TDRD3: variants seen among roughly 807,000 people sequenced by gnomAD.
TDRD3 encodes tudor domain-containing protein 3.
TDRD3 carries 45 observed loss-of-function variants against 86.7 expected under a neutral mutation model. The ratio of observed to expected loss-of-function variants is 0.52; its 90% CI spans 0.41 to 0.67. The LOEUF is 0.67. Ranked by LOEUF, TDRD3 falls within the 30% of genes least tolerant of loss-of-function variation. TDRD3 has a pLI of 0.00. For missense variants in TDRD3, 814 were observed against 889.0 expected (o/e 0.92, Z 1.07); for synonymous variants, 298 against 301.7 (o/e 0.99, Z 0.13).
chr13:60,562,578 T>C, intron 12 of TDRD3, among the ~76,000 whole-genome samples: 1 of 152,150 alleles, frequency 6.6e-6, no homozygotes, highest in Non-Finnish European at 1.5e-5. Flanking sequence ...GCTTGGAAAT[T>C]CATAGAATAA....
intron 5 of TDRD3, among the ~76,000 whole-genome samples, chr13:60,469,723 A>C (rs1436802941): frequency 2.0e-5 from 3 of 152,174 alleles, no homozygotes; most frequent in Non-Finnish European, 4.4e-5. Flanking sequence ...CCATAAAGCT[A>C]ATGTTGGAAG....
At chr13:60,511,093 T>C (rs545126092) in intron 10 of TDRD3, among the ~76,000 whole-genome samples, 1 of 152,234 alleles carries the variant, frequency 6.6e-6, no homozygotes, top group East Asian at 1.9e-4. Flanking sequence ...GAAATTGATA[T>C]ATCTCTTCTT....
At chr13:60,530,392 G>A (rs895127805) in intron 11 of TDRD3, among the ~76,000 whole-genome samples, 8 of 152,048 alleles carry the variant, frequency 5.3e-5, no homozygotes, top group East Asian at 1.9e-4. Context: ...GTTACAGAGC[G>A]AAGGGTCTGG....
At chr13:60,568,620 C>G (rs550846686) in intron 13 of TDRD3, among the ~76,000 whole-genome samples, 3 of 152,186 alleles carry the variant, frequency 2.0e-5, no homozygotes, top group African/African-American at 7.2e-5. Flanking sequence ...GACAAACCCA[C>G]AGCTAGACTC....
chr13:60,505,660 G>T (rs898214310), intron 8 of TDRD3, among the ~76,000 whole-genome samples: 1 of 152,204 alleles, frequency 6.6e-6, no homozygotes, highest in Non-Finnish European at 1.5e-5. Flanking sequence ...TTGCTAACTG[G>T]AATAACTAGT....
chr13:60,471,069 C>T (rs1956067724), intron 5 of TDRD3, among the ~76,000 whole-genome samples: 1 of 152,094 alleles, frequency 6.6e-6, no homozygotes, highest in Non-Finnish European at 1.5e-5. Flanking sequence ...ATATCAATTC[C>T]TACTAACATA....
intron 1 of TDRD3, among the ~76,000 whole-genome samples, chr13:60,438,982 G>A (rs1425701673): frequency 6.6e-6 from 1 of 152,094 alleles, no homozygotes; most frequent in Non-Finnish European, 1.5e-5. Flanking sequence ...ATGTCCATGG[G>A]TATGGGTAGA....
intron 12 of TDRD3, among the ~76,000 whole-genome samples, chr13:60,540,740 GATA>G (rs1405796214): frequency 6.6e-6 from 1 of 151,992 alleles, no homozygotes; most frequent in Admixed American, 6.6e-5. Context: ...TCTAATATCT[GATA>G]ATAACATATT....
intron 6 of TDRD3, chr13:60,484,757 G>A: frequency 2.2e-6 from 1 of 447,388 alleles, no homozygotes; most frequent in Non-Finnish European, 4.5e-6. Flanking sequence ...CCATGTTGAT[G>A]GTTGGTATTC....
chr13:60,487,335 G>C (rs1052736247), intron 7 of TDRD3, among the ~76,000 whole-genome samples: 1 of 152,084 alleles, frequency 6.6e-6, no homozygotes. Flanking sequence ...AATTAGCTGG[G>C]TATGCTGGTG....
chr13:60,437,600 AATTT>A (rs1368443164), intron 1 of TDRD3, among the ~76,000 whole-genome samples: 1 of 150,678 alleles, frequency 6.6e-6, no homozygotes, highest in African/African-American at 2.4e-5. Flanking sequence ...AAATTAAATT[AATTT>A]ATTATAATAT....
intron 11 of TDRD3, among the ~76,000 whole-genome samples, chr13:60,534,175 T>C (rs968783505): frequency 6.6e-6 from 1 of 152,178 alleles, no homozygotes; most frequent in African/African-American, 2.4e-5. Context: ...TAGCCAGGCA[T>C]GGTTGTATGC....
At chr13:60,425,616 A>G (rs1954781701) in intron 1 of TDRD3, among the ~76,000 whole-genome samples, 1 of 152,192 alleles carries the variant, frequency 6.6e-6, no homozygotes, top group Non-Finnish European at 1.5e-5. Flanking sequence ...TCTAATGTCC[A>G]TCGATGGAAA....
At chr13:60,483,982 T>A in intron 6 of TDRD3, 136 bp downstream of exon 6, 2 of 861,010 alleles carry the variant, frequency 2.3e-6, no homozygotes, top group Non-Finnish European at 3.4e-6. Flanking sequence ...TCAAGGAATT[T>A]AATAATTTTG....
Position 60,528,207 on chromosome 13 carries a change from A to G in TDRD3, c.1142-160A>G, listed in dbSNP as rs1845982634. Among the ~76,000 whole-genome samples, 5 of 152,342 alleles carry G rather than the reference A, an allele frequency of 3.3e-5. No homozygotes were observed. In the South Asian group the frequency reaches 1.0e-3, roughly 32 times the overall value. On this transcript the variant is annotated intron_variant, in intron 10 of 13. Coordinates refer to ENST00000377881, the MANE Select transcript of TDRD3 (RefSeq NM_001146070.2). ...CTGTACATTAGAAATGCAGGACTCC[A>G]AGGAAGCAAAGAAGGAGTAAGATAA...
intron 1 of TDRD3, among the ~76,000 whole-genome samples, chr13:60,401,082 T>C (rs1243118488): frequency 1.3e-5 from 2 of 152,158 alleles, no homozygotes; most frequent in East Asian, 3.9e-4. Flanking sequence ...ATCAAATAAA[T>C]CTTTGCCTTG....
At position 60,508,515 on chromosome 13, in the gene TDRD3, G is replaced by A. The variant is rs568455179; in HGVS notation, c.859-1248G>A. The stretch of plus-strand genomic sequence containing the variant: ...ACAAACCTGACAAAAACAAGCAATG[G>A]GGAAAGGATTTCCTATTTAATAAAT... On this transcript the variant is annotated intron_variant, in intron 8 of 13. Coordinates refer to ENST00000377881, the MANE Select transcript of TDRD3 (RefSeq NM_001146070.2). Among the ~76,000 whole-genome samples the A allele has an allele frequency of 2.6e-5, 4 of 152,222 alleles. No homozygotes were observed. In the South Asian group the frequency reaches 8.3e-4, roughly 32 times the overall value.
intron 4 of TDRD3, among the ~76,000 whole-genome samples, chr13:60,465,563 T>G (rs1955900782): frequency 6.6e-6 from 1 of 152,288 alleles, no homozygotes; most frequent in African/African-American, 2.4e-5. Context: ...TGAGATAGCA[T>G]TGGTGTATAA....
intron 10 of TDRD3, among the ~76,000 whole-genome samples, chr13:60,526,674 A>G (rs1445693896): frequency 3.5e-5 from 5 of 144,324 alleles, no homozygotes; most frequent in Admixed American, 7.0e-5. Context: ...TTGAAATCTT[A>G]TATCTTAGAA....
Sources: allele counts gnomAD v4.1 joint callset (sites outside exome capture counted in the v4.1 genomes callset), GRCh38; gene constraint gnomAD v4.1.1; transcripts MANE v1.5; gene names NCBI Gene and HGNC (gene_info 2026-07-23, HGNC 2026-07-21).